Variants in TANC1 observed in about 807,000 individuals in gnomAD.
TANC1 encodes the protein tetratricopeptide repeat, ankyrin repeat and coiled-coil containing 1, also known as protein TANC1.
A neutral mutation model predicts 149.7 loss-of-function variants in TANC1; 77 were observed. The observed-to-expected ratio is 0.51, with a 90% CI of 0.43 to 0.62. The LOEUF (loss-of-function observed/expected upper bound fraction) is 0.62, where lower values mean the gene tolerates loss of function less well. TANC1 is among the 20% of genes least tolerant of loss of function. The pLI is 0.00. For missense variants in TANC1, 1,985 were observed against 2,321.8 expected, an observed-to-expected ratio of 0.85 and a Z score of 2.98; for synonymous variants, 854 against 925.0, an observed-to-expected ratio of 0.92 and a Z score of 1.39.
At chr2:159,178,453 A>G in intron 13 of TANC1, 103 bp from the exon 14 acceptor site, 1 of 1,373,246 alleles carries the variant, frequency 7.3e-7, no homozygotes, top group South Asian at 1.5e-5. Flanking sequence ...AATCCATGAA[A>G]ATCCTCCTTG....
intron 3 of TANC1, among the ~76,000 whole-genome samples, chr2:159,090,823 G>A (rs554012758): frequency 7.9e-5 from 12 of 152,300 alleles, no homozygotes; most frequent in Non-Finnish European, 1.6e-4. Context: ...CAGTACCCAC[G>A]GAGAGGAGAG....
chr2:159,056,075 C>A, intron 2 of TANC1: 1 of 304,392 alleles, frequency 3.3e-6, no homozygotes, highest in Non-Finnish European at 6.6e-6. Flanking sequence ...ATGTAGGCAG[C>A]AATTTTCTCC....
intron 13 of TANC1, among the ~76,000 whole-genome samples, chr2:159,178,114 TA>T (rs2150534144): frequency 6.6e-6 from 1 of 152,390 alleles, no homozygotes; most frequent in Non-Finnish European, 1.5e-5. Context: ...GTTTGCTGCA[TA>T]AAGAAGGATG....
At chr2:159,027,509 G>A (rs1197662528) in intron 2 of TANC1, among the ~76,000 whole-genome samples, 1 of 152,036 alleles carries the variant, frequency 6.6e-6, no homozygotes, top group Non-Finnish European at 1.5e-5. Flanking sequence ...CCAACATTTT[G>A]GCCACCACCA....
At chr2:158,974,547 C>T (rs1442528362) in intron 1 of TANC1, among the ~76,000 whole-genome samples, 1 of 152,208 alleles carries the variant, frequency 6.6e-6, no homozygotes, top group Non-Finnish European at 1.5e-5. Flanking sequence ...ATTCTCCTGC[C>T]TCGGCCTCCC....
At position 159,183,035 on chromosome 2, in the gene TANC1, G is replaced by A. The variant is rs1174859781; in HGVS notation, c.2511-2756G>A. On this transcript the variant is annotated intron_variant, in intron 14 of 26. Transcript: ENST00000263635. ...TGACCTTTTTTCATGGAACAGAGGA[G>A]AGGAAAGAGCTGGCAGAAGGGAGTG... Among the ~76,000 whole-genome samples, 5 of 152,368 alleles carry A rather than the reference G, an allele frequency of 3.3e-5. No individual in the cohort carries two copies. The East Asian group carries it at 7.7e-4, about 23-fold the overall frequency.
Position 159,230,799 on chromosome 2 carries a change from T to C in TANC1, c.5373T>C (p.Ser1791=). The change falls in exon 27 of 27, where the codon AGT becomes AGC. Residue 1791 remains serine (S), a synonymous_variant. Coordinates refer to ENST00000263635, the MANE Select transcript of TANC1 (RefSeq NM_033394.3). This position sits in a 1 kb window ranked among gnomAD's most constrained non-coding sequence, Gnocchi z 4.4. ...QAKTCSVSTL[S]ASVHNGAQVK... ...AAACCTGTTCTGTTTCTACCCTGAG[T>C]GCAAGTGTCCACAATGGGGCACAAG... is the stretch of plus-strand genomic sequence containing the variant. 5 of 1,614,144 alleles carry C rather than the reference T, an allele frequency of 3.1e-6. No homozygotes were observed. In the Admixed American group the frequency reaches 8.3e-5, roughly 27 times the overall value.
chr2:159,058,234 A>T (rs2041991787), intron 2 of TANC1, among the ~76,000 whole-genome samples: 1 of 152,172 alleles, frequency 6.6e-6, no homozygotes, highest in Non-Finnish European at 1.5e-5. Context: ...GAAATACCCA[A>T]ATAAAACCTA....
rs1425593535 is a variant in TANC1, at chr2:159,185,826, G to A, written c.2546G>A (p.Arg849His). 6.8e-6 allele frequency: 11 copies of A among 1,614,114 alleles called. No homozygotes were observed. Among genetic ancestry groups the A allele is most frequent in the Admixed American group, 3.3e-5 (2 of 60,004 alleles). Residue 849 changes from arginine to histidine, a missense_variant, in exon 15 of 27, where the codon CGT (arginine) becomes CAT (histidine). Transcript: ENST00000263635. ...GCGCTCTTGGCATTCATGTTCTCGC[G>A]TCAGGAGGGCAAGTTGAACCGCCAG... ...GHALLAFMFSRQEGKLNRQQT... is the reference protein window; with the variant it reads ...GHALLAFMFSHQEGKLNRQQT...
chr2:159,198,223 G>A (rs753160939), intron 18 of TANC1, among the ~76,000 whole-genome samples: 2 of 152,190 alleles, frequency 1.3e-5, no homozygotes, highest in African/African-American at 2.4e-5. Context: ...TGAGATAATC[G>A]CCCCATTTCA....
At chr2:159,037,139 G>T (rs1343641505) in intron 2 of TANC1, among the ~76,000 whole-genome samples, 2 of 152,144 alleles carry the variant, frequency 1.3e-5, no homozygotes, top group Non-Finnish European at 2.9e-5. Flanking sequence ...TCATGTGTCT[G>T]TTGGCTGCAT....
rs181749751 is a variant in TANC1 at position 159,217,569 on chromosome 2, C to T, written c.3317C>T (p.Ser1106Leu). 245 of 1,614,220 alleles carry T rather than the reference C, an allele frequency of 1.5e-4. No individual in the cohort carries two copies. Among genetic ancestry groups the T allele is most frequent in the Non-Finnish European group, 1.9e-4 (219 of 1,180,038 alleles). Reference protein sequence around the residue: ...ELLLGHGAAVSRTNRRGVPPL... With the variant: ...ELLLGHGAAVLRTNRRGVPPL... Reference sequence around the variant, plus strand: ...CTGCTGGGGCATGGAGCTGCTGTGTCGCGGACAAACAGGAGAGGGGTTCCA... The same window carrying T: ...CTGCTGGGGCATGGAGCTGCTGTGTTGCGGACAAACAGGAGAGGGGTTCCA... The change falls in exon 20 of 27, where the codon TCG (serine) becomes TTG (leucine). Residue 1106 changes from serine to leucine, a missense_variant. Coordinates refer to ENST00000263635, the MANE Select transcript of TANC1 (RefSeq NM_033394.3).
intron 17 of TANC1, among the ~76,000 whole-genome samples, 185 bp downstream of exon 17, chr2:159,194,678 A>G (rs1347599571): frequency 6.6e-6 from 1 of 152,238 alleles, no homozygotes; most frequent in East Asian, 1.9e-4. Context: ...TTGCTCATAC[A>G]CAGCAACTCT....
In TANC1 at chr2:159,034,678, C is replaced by T. The variant is rs534851437; in HGVS notation, c.-15-31218C>T. Among the ~76,000 whole-genome samples, 5 of 152,284 alleles carry T rather than the reference C, an allele frequency of 3.3e-5. No individual in the cohort carries two copies. The East Asian group carries it at 7.7e-4, about 24-fold the overall frequency. ...GTTTTAATGCCTTTTGCTACTCAAG[C>T]CCCAAATGTAGGACAGATCCCCATG... is the stretch of plus-strand genomic sequence containing the variant. On this transcript the variant is annotated intron_variant, in intron 2 of 26. Coordinates refer to ENST00000263635, the MANE Select transcript of TANC1 (RefSeq NM_033394.3).
At chr2:159,184,231 G>C (rs1324106963) in intron 14 of TANC1, among the ~76,000 whole-genome samples, 1 of 152,256 alleles carries the variant, frequency 6.6e-6, no homozygotes, top group African/African-American at 2.4e-5. Context: ...CATAGAGTAA[G>C]AGCTTGATAC....
chr2:159,085,148 C>T (rs145594687), intron 3 of TANC1, among the ~76,000 whole-genome samples: 9 of 152,278 alleles, frequency 5.9e-5, no homozygotes, highest in Admixed American at 3.3e-4. Context: ...GGTGAGTCCT[C>T]ATGGGAATGG....
At position 159,170,580 on chromosome 2, in the gene TANC1, G is replaced by A; in HGVS notation, c.1126G>A (p.Val376Ile). The A allele has an allele frequency of 6.2e-7, 1 of 1,614,064 alleles. No homozygotes were observed. The highest frequency in any genetic ancestry group is 1.3e-5 in the African/African-American group (1 of 75,014). ...TTTGTTGAAACCCTTGTTGTTTGAA[G>A]TACCAAGCATAACAACAGACTCTGT... ...DILLKPLLFEVPSITTDSVFV... is the reference protein window; with the variant it reads ...DILLKPLLFEIPSITTDSVFV... Residue 376 changes from valine to isoleucine, a missense_variant, in exon 10 of 27, where the codon GTA becomes ATA. Physicochemically the swap from Val to Ile is conservative, Grantham distance 29. This residue lies in a region of TANC1 where 557 missense variants were observed against 612.9 expected (regional missense o/e 0.91). Transcript: ENST00000263635.
intron 3 of TANC1, among the ~76,000 whole-genome samples, chr2:159,077,745 T>TA (rs911129183): frequency 1.5e-4 from 23 of 149,860 alleles, no homozygotes; most frequent in African/African-American, 5.6e-4. Context: ...GTTATATATA[T>TA]TTTTTTTATT....
At chr2:159,018,747 C>A (rs1347288855) in intron 2 of TANC1, among the ~76,000 whole-genome samples, 1 of 151,292 alleles carries the variant, frequency 6.6e-6, no homozygotes, top group Non-Finnish European at 1.5e-5. Context: ...ATATTCGTCC[C>A]TTTGTGTCTG....
Sources: gnomAD v4.1 joint callset for allele counts (sites outside exome capture counted in the v4.1 genomes callset) on GRCh38, gnomAD v4.1.1 for gene constraint, gnomAD v4.1.1 regional missense constraint, Gnocchi (gnomAD v3.1) non-coding constraint, MANE v1.5 for transcripts, NCBI Gene and HGNC (gene_info 2026-07-23, HGNC 2026-07-21) for gene names.